SHANK2: variants seen among roughly 807,000 people sequenced by gnomAD.
The protein encoded by SHANK2 is SH3 and multiple ankyrin repeat domains protein 2.
In SHANK2, 43 loss-of-function variants were observed where a neutral mutation model predicts 133.7. The ratio of observed to expected loss-of-function variants is 0.32; its 90% CI spans 0.25 to 0.41. SHANK2 has a LOEUF of 0.41. Ranked by LOEUF, SHANK2 falls within the 10% of genes least tolerant of loss-of-function variation. The pLI is 1.00. For missense variants in SHANK2, 1,994 were observed against 2,235.8 expected, an observed-to-expected ratio of 0.89 and a Z score of 2.18; for synonymous variants, 1,017 against 952.8, an observed-to-expected ratio of 1.07 and a Z score of -1.24.
At chr11:70,792,394 GCCAACCAACCAACCAA>G (rs57783483) in intron 14 of SHANK2, among the ~76,000 whole-genome samples, 25 of 144,082 alleles carry the variant, frequency 1.7e-4, no homozygotes, top group Admixed American at 5.6e-4. Flanking sequence ...CAGCCAACCA[GCCAACCAACCAACCAA>G]CCAACCAACC....
At chr11:70,539,437 A>T (rs570968676) in intron 17 of SHANK2, among the ~76,000 whole-genome samples, 20 of 129,440 alleles carry the variant, frequency 1.5e-4, no homozygotes, top group South Asian at 8.3e-4. Flanking sequence ...TCTGCGGGGG[A>T]AAGGTGCTGT....
chr11:71,250,010 T>A (rs1948151814), intron 1 of SHANK2, among the ~76,000 whole-genome samples: 1 of 152,050 alleles, frequency 6.6e-6, no homozygotes, highest in Non-Finnish European at 1.5e-5. Context: ...AATGAAGAAA[T>A]GAATGAATGA....
intron 17 of SHANK2, among the ~76,000 whole-genome samples, chr11:70,636,237 C>T (rs1389921393): frequency 6.6e-6 from 1 of 152,064 alleles, no homozygotes; most frequent in Non-Finnish European, 1.5e-5. Flanking sequence ...GAATGTGAGT[C>T]TGAGTGTATG....
intron 5 of SHANK2, among the ~76,000 whole-genome samples, chr11:71,112,879 T>C (rs567759806): frequency 6.6e-6 from 1 of 152,314 alleles, no homozygotes; most frequent in Admixed American, 6.5e-5. Flanking sequence ...ACCTGCAGTC[T>C]AACTTCAGTG....
At chr11:70,885,606 G>A (rs767250729) in intron 11 of SHANK2, among the ~76,000 whole-genome samples, 11 of 152,168 alleles carry the variant, frequency 7.2e-5, no homozygotes, top group African/African-American at 1.7e-4. Context: ...TGGACAGAAC[G>A]TGGTAACGAA....
At chr11:71,243,697 A>G (rs1439449559) in intron 1 of SHANK2, among the ~76,000 whole-genome samples, 3 of 152,168 alleles carry the variant, frequency 2.0e-5, no homozygotes. Context: ...TCTGTCTCAA[A>G]AAAATAATAA....
chr11:71,185,405 G>A (rs1026375050), intron 2 of SHANK2, among the ~76,000 whole-genome samples: 4 of 152,196 alleles, frequency 2.6e-5, no homozygotes, highest in Admixed American at 6.5e-5. Context: ...AATCCAGGAA[G>A]GAATCATCTC....
At chr11:71,073,136 C>CTTTTTTTTTTTTTTTTTT (rs1178533659) in intron 9 of SHANK2, among the ~76,000 whole-genome samples, 1 of 72,336 alleles carries the variant, frequency 1.4e-5, no homozygotes, top group Non-Finnish European at 3.5e-5. Flanking sequence ...TGTTTTTTTT[C>CTTTTTTTTTTTTTTTTTT]TTTTTCTTTT....
chr11:70,648,776 G>A (rs1225791206), intron 17 of SHANK2, among the ~76,000 whole-genome samples: 3 of 152,174 alleles, frequency 2.0e-5, no homozygotes, highest in Non-Finnish European at 4.4e-5. Flanking sequence ...TGGGAGGAAG[G>A]AGACCCTTGT....
intron 4 of SHANK2, among the ~76,000 whole-genome samples, chr11:71,113,649 G>A (rs892919921): frequency 2.0e-5 from 3 of 152,214 alleles, no homozygotes; most frequent in Non-Finnish European, 2.9e-5. Flanking sequence ...TCTCCCTCCC[G>A]GTGACCGGCT....
chr11:70,939,427 G>A (rs910056438), intron 10 of SHANK2, among the ~76,000 whole-genome samples: 2 of 152,132 alleles, frequency 1.3e-5, no homozygotes, highest in Non-Finnish European at 2.9e-5. Context: ...GCAGTGAGCC[G>A]AGATTGTGCC....
At chr11:70,867,737 T>C (rs557543015) in intron 11 of SHANK2, among the ~76,000 whole-genome samples, 1 of 152,342 alleles carries the variant, frequency 6.6e-6, no homozygotes, top group Admixed American at 6.5e-5. Context: ...CATTATTCTG[T>C]GACAATATTC....
chr11:71,197,114 T>A (rs1555116326), intron 2 of SHANK2, among the ~76,000 whole-genome samples: 1 of 150,770 alleles, frequency 6.6e-6, no homozygotes, highest in East Asian at 2.0e-4. Flanking sequence ...AAAATCAACA[T>A]AAATCTCTGC....
chr11:70,593,330 T>C (rs1352885152), intron 17 of SHANK2, among the ~76,000 whole-genome samples: 2 of 152,272 alleles, frequency 1.3e-5, no homozygotes, highest in African/African-American at 2.4e-5. Flanking sequence ...AGGTAGGATA[T>C]AGTAATTAAA....
intron 10 of SHANK2, chr11:70,944,058 A>G: frequency 2.3e-6 from 1 of 436,102 alleles, no homozygotes; most frequent in Non-Finnish European, 4.6e-6. Context: ...ATGGCTAGCT[A>G]CATCTTGTCC....
chr11:70,658,438 T>C (rs1373170299), intron 17 of SHANK2, among the ~76,000 whole-genome samples: 1 of 152,194 alleles, frequency 6.6e-6, no homozygotes, highest in African/African-American at 2.4e-5. Flanking sequence ...CTCCAATCTC[T>C]GTCATTCTGG....
chr11:70,517,665 A>G (rs782650063), intron 17 of SHANK2, among the ~76,000 whole-genome samples: 2 of 152,206 alleles, frequency 1.3e-5, no homozygotes, highest in African/African-American at 2.4e-5. Flanking sequence ...AAGGCAAACT[A>G]TGGAGAAGGT....
chr11:71,225,760 C>G (rs1427674994), intron 1 of SHANK2, among the ~76,000 whole-genome samples: 1 of 152,176 alleles, frequency 6.6e-6, no homozygotes, highest in East Asian at 1.9e-4. Context: ...ATGCTAGAAA[C>G]AGATGAAATA....
chr11:70,644,980 G>A (rs1012723659), intron 17 of SHANK2, among the ~76,000 whole-genome samples: 4 of 152,198 alleles, frequency 2.6e-5, no homozygotes, highest in Non-Finnish European at 4.4e-5. Context: ...CCAGCACTTT[G>A]GGAGGCTGAA....
Sources: allele counts gnomAD v4.1 joint callset (sites outside exome capture counted in the v4.1 genomes callset), GRCh38; gene constraint gnomAD v4.1.1; transcripts MANE v1.5; gene names NCBI Gene and HGNC (gene_info 2026-07-23, HGNC 2026-07-21).